The following TSHZ2 variants were observed in gnomAD, a reference collection of about 807,000 sequenced individuals.
TSHZ2 encodes teashirt homolog 2.
A neutral mutation model predicts 74.4 loss-of-function variants in TSHZ2; 21 were observed. The observed-to-expected ratio is 0.28, with a 90% CI of 0.20 to 0.41. TSHZ2 has a LOEUF of 0.41. Among genes scored for constraint, TSHZ2 ranks in the 10% least tolerant of loss-of-function variants. The pLI is 1.00. For synonymous variants in TSHZ2, 540 were observed against 515.3 expected (o/e 1.05, Z -0.65); for missense variants, 1,244 against 1,293.5 (o/e 0.96, Z 0.59).
intron 2 of TSHZ2, among the ~76,000 whole-genome samples, chr20:53,485,121 C>T (rs1279228869): frequency 6.6e-6 from 1 of 152,080 alleles, no homozygotes; most frequent in Non-Finnish European, 1.5e-5. Flanking sequence ...ACTTCTCTAC[C>T]GAAAACGTTC....
At chr20:53,295,173 C>T (rs1991352567) in intron 2 of TSHZ2, among the ~76,000 whole-genome samples, 1 of 152,186 alleles carries the variant, frequency 6.6e-6, no homozygotes, top group East Asian at 1.9e-4. Flanking sequence ...AATTGCTCAC[C>T]ATACTCATTT....
chr20:53,443,564 T>G (rs1984424504), intron 2 of TSHZ2, among the ~76,000 whole-genome samples: 1 of 152,196 alleles, frequency 6.6e-6, no homozygotes, highest in Non-Finnish European at 1.5e-5. Flanking sequence ...TGGCCTTGAT[T>G]AAGCTACCTA....
intron 1 of TSHZ2, among the ~76,000 whole-genome samples, chr20:53,077,211 G>T (rs1038581286): frequency 1.3e-5 from 2 of 151,822 alleles, no homozygotes; most frequent in Non-Finnish European, 2.9e-5. Flanking sequence ...TCAGGAGTTC[G>T]ATACCAGCCT....
At chr20:53,115,727 C>A (rs1600698472) in intron 1 of TSHZ2, among the ~76,000 whole-genome samples, 1 of 151,798 alleles carries the variant, frequency 6.6e-6, no homozygotes, top group East Asian at 1.9e-4. Flanking sequence ...GGTATTTGGG[C>A]AAAACAAGGT....
intron 2 of TSHZ2, among the ~76,000 whole-genome samples, chr20:53,262,129 C>T (rs902931375): frequency 6.6e-6 from 1 of 152,014 alleles, no homozygotes; most frequent in Non-Finnish European, 1.5e-5. Context: ...GTTACCTTCA[C>T]TGAGCTAATT....
chr20:53,358,787 C>T (rs1011910009), intron 2 of TSHZ2, among the ~76,000 whole-genome samples: 5 of 152,126 alleles, frequency 3.3e-5, no homozygotes, highest in Admixed American at 1.3e-4. Flanking sequence ...GTTTTTTAAA[C>T]GGTCTTGTGC....
At chr20:53,048,594 G>T (rs982450897) in intron 1 of TSHZ2, among the ~76,000 whole-genome samples, 1 of 152,180 alleles carries the variant, frequency 6.6e-6, no homozygotes, top group Non-Finnish European at 1.5e-5. Flanking sequence ...TTTGCCGGGC[G>T]TGGGCAGCAG....
intron 1 of TSHZ2, among the ~76,000 whole-genome samples, chr20:53,107,670 A>G (rs2801000): frequency 0.5 from 76,209 of 152,002 alleles, 20,551 homozygotes; most frequent in African/African-American, 0.69. Flanking sequence ...GTTCATTCCC[A>G]TGTGTGTGCA....
chr20:53,086,416 AC>A (rs1985700550), intron 1 of TSHZ2, among the ~76,000 whole-genome samples: 1 of 152,016 alleles, frequency 6.6e-6, no homozygotes, highest in Non-Finnish European at 1.5e-5. Context: ...TGGGTAGCCT[AC>A]TTTCAGTCCA....
At chr20:53,040,091 C>G (rs1983981856) in intron 1 of TSHZ2, among the ~76,000 whole-genome samples, 1 of 152,102 alleles carries the variant, frequency 6.6e-6, no homozygotes, top group Non-Finnish European at 1.5e-5. Context: ...GGAGACAGAG[C>G]AAGACTCCGT....
At chr20:53,446,772 T>C (rs2184260) in intron 2 of TSHZ2, among the ~76,000 whole-genome samples, 26,157 of 152,038 alleles carry the variant, frequency 0.17, 2,377 homozygotes, top group East Asian at 0.32. Context: ...GTAAGGCAGG[T>C]ATCCAGGGAC....
At chr20:53,170,863 T>G (rs1033874381) in intron 1 of TSHZ2, among the ~76,000 whole-genome samples, 6 of 150,910 alleles carry the variant, frequency 4.0e-5, no homozygotes, top group African/African-American at 1.5e-4. Flanking sequence ...TCTCTGGCTC[T>G]CCCTCCTCCA....
chr20:53,065,112 T>A (rs1475188308), intron 1 of TSHZ2, among the ~76,000 whole-genome samples: 7 of 152,342 alleles, frequency 4.6e-5, no homozygotes, highest in African/African-American at 1.7e-4. Flanking sequence ...TCACTGCGCC[T>A]CATTCGCCTC....
At chr20:52,982,517 T>C (rs1383399427) in intron 1 of TSHZ2, among the ~76,000 whole-genome samples, 1 of 152,224 alleles carries the variant, frequency 6.6e-6, no homozygotes, top group Admixed American at 6.5e-5. Flanking sequence ...TTCTTTCATA[T>C]GTCCGTACAT....
At chr20:53,454,393 C>T (rs1001575929) in intron 2 of TSHZ2, among the ~76,000 whole-genome samples, 1 of 152,080 alleles carries the variant, frequency 6.6e-6, no homozygotes, top group East Asian at 1.9e-4. Context: ...GACACCCCAT[C>T]TTTACTAAAA....
chr20:53,131,926 A>C (rs1286796131), intron 1 of TSHZ2, among the ~76,000 whole-genome samples: 1 of 151,042 alleles, frequency 6.6e-6, no homozygotes, highest in Non-Finnish European at 1.5e-5. Context: ...CATATTGAGA[A>C]AAAGAGAGGG....
intron 1 of TSHZ2, among the ~76,000 whole-genome samples, chr20:53,165,503 A>G (rs1988044857): frequency 6.6e-6 from 1 of 152,210 alleles, no homozygotes; most frequent in Non-Finnish European, 1.5e-5. Flanking sequence ...TAGGGAGAAA[A>G]TGCTCAAAAC....
chr20:53,320,256 A>G (rs376606054), intron 2 of TSHZ2, among the ~76,000 whole-genome samples: 2 of 152,220 alleles, frequency 1.3e-5, no homozygotes, highest in African/African-American at 4.8e-5. Context: ...TGTTTTTTCA[A>G]ATGAGGAAAC....
At chr20:53,205,331 A>C (rs1049190829) in intron 1 of TSHZ2, among the ~76,000 whole-genome samples, 1 of 152,236 alleles carries the variant, frequency 6.6e-6, no homozygotes, top group African/African-American at 2.4e-5. Context: ...TATCTCTCCA[A>C]CTTTGAACTT....
Sources: allele counts gnomAD v4.1 joint callset (sites outside exome capture counted in the v4.1 genomes callset), GRCh38; gene constraint gnomAD v4.1.1; transcripts MANE v1.5; gene names NCBI Gene and HGNC (gene_info 2026-07-23, HGNC 2026-07-21).